Variants in PPP2R5E observed in about 807,000 individuals in gnomAD.
PPP2R5E encodes protein phosphatase 2 regulatory subunit B'epsilon.
In PPP2R5E, 4 loss-of-function variants were observed where a neutral mutation model predicts 65.3. That is an observed-to-expected ratio of 0.06 (90% CI 0.03 to 0.14). The LOEUF (loss-of-function observed/expected upper bound fraction) is 0.14, where lower values mean the gene tolerates loss of function less well. PPP2R5E is among the 10% of genes least tolerant of loss of function. PPP2R5E has a pLI of 1.00. For synonymous variants in PPP2R5E, 183 were observed against 187.4 expected (o/e 0.98, Z 0.19); for missense variants, 274 against 556.1 (o/e 0.49, Z 5.10).
chr14:63,376,071 T>C lies in PPP2R5E; in HGVS notation c.1342A>G (p.Lys448Glu). 2 of 1,609,798 alleles carry C rather than the reference T, an allele frequency of 1.2e-6. No individual in the cohort carries two copies. Among genetic ancestry groups the C allele is most frequent in the Non-Finnish European group, 1.7e-6 (2 of 1,176,248 alleles). ...TTTAACTCCAGATCCTCCAATTTTT[T>C]CCACAATTCTTCACGCTCCTTTTCT... ...KKEKEREELW[K>E]KLEDLELKRG... Residue 448 changes from lysine (K) to glutamate (E), a missense_variant, in exon 14 of 14, where the codon AAA becomes GAA. Transcript: ENST00000337537.
intron 3 of PPP2R5E, among the ~76,000 whole-genome samples, chr14:63,424,523 G>A (rs145170358): frequency 0.012 from 1,809 of 152,230 alleles, 52 homozygotes; most frequent in East Asian, 0.095. Context: ...AGGCCGAGGC[G>A]GGCGGATCAC....
At chr14:63,533,742 C>T (rs1430681857) in intron 2 of PPP2R5E, among the ~76,000 whole-genome samples, 1 of 152,032 alleles carries the variant, frequency 6.6e-6, no homozygotes, top group African/African-American at 2.4e-5. Context: ...GTCAGGAGTT[C>T]GAGACCAGCC....
At chr14:63,382,680 C>G (rs1336914143) in intron 12 of PPP2R5E, among the ~76,000 whole-genome samples, 1 of 151,860 alleles carries the variant, frequency 6.6e-6, no homozygotes, top group Non-Finnish European at 1.5e-5. Flanking sequence ...GGATTATAGG[C>G]GTGAGCCACC....
At chr14:63,460,905 C>A (rs190626165) in intron 2 of PPP2R5E, among the ~76,000 whole-genome samples, 1 of 152,126 alleles carries the variant, frequency 6.6e-6, no homozygotes, top group Non-Finnish European at 1.5e-5. Context: ...CACATGCACA[C>A]TGATAAATGA....
chr14:63,372,903 C>T lies in PPP2R5E; in HGVS notation c.*3106G>A, dbSNP rs1317566246. ...CCTGCTTGTGAGTATCCAGTGGCATCGAGGGTATTATTTATTTCTTTTTTT... is the reference window on the plus strand; with the variant it reads ...CCTGCTTGTGAGTATCCAGTGGCATTGAGGGTATTATTTATTTCTTTTTTT... On this transcript the variant is annotated 3_prime_UTR_variant, in exon 14 of 14. Coordinates refer to ENST00000337537, the MANE Select transcript of PPP2R5E (RefSeq NM_006246.5). 1 of 151,878 alleles carries T rather than the reference C, an allele frequency of 6.6e-6. No individual in the cohort carries two copies. The highest frequency in any genetic ancestry group is 1.5e-5 in the Non-Finnish European group (1 of 67,982). The allele number at this position is 151,878 out of a possible 1,614,324, so 9.4% of individuals were successfully genotyped here.
At chr14:63,467,222 C>CAAAAAA (rs767892639) in intron 2 of PPP2R5E, among the ~76,000 whole-genome samples, 1,844 of 113,528 alleles carry the variant, frequency 0.016, 221 homozygotes, top group East Asian at 0.024. Context: ...GACTCCGTCT[C>CAAAAAA]AAAAAAAACA....
chr14:63,528,070 C>CAA (rs138450783), intron 2 of PPP2R5E, among the ~76,000 whole-genome samples: 2 of 145,244 alleles, frequency 1.4e-5, no homozygotes, highest in Admixed American at 6.8e-5. Context: ...TATAAGTTTT[C>CAA]AAAAAAAAAA....
intron 3 of PPP2R5E, among the ~76,000 whole-genome samples, chr14:63,429,846 C>T (rs1594865038): frequency 6.6e-6 from 1 of 152,160 alleles, no homozygotes; most frequent in East Asian, 1.9e-4. Flanking sequence ...CCACGTCCAG[C>T]TAATTTTTTG....
At chr14:63,503,854 C>A (rs1892028521) in intron 2 of PPP2R5E, among the ~76,000 whole-genome samples, 1 of 152,132 alleles carries the variant, frequency 6.6e-6, no homozygotes, top group African/African-American at 2.4e-5. Context: ...AATCAGTATG[C>A]CTCCCTGCCC....
intron 3 of PPP2R5E, among the ~76,000 whole-genome samples, chr14:63,449,743 A>T (rs1888703380): frequency 8.1e-6 from 1 of 123,062 alleles, no homozygotes; most frequent in Non-Finnish European, 1.6e-5. Context: ...ACCTCTTAGC[A>T]CCACACAAAA....
In PPP2R5E at chr14:63,393,533, A is replaced by G. The variant is rs375776253; in HGVS notation, c.849+287T>C. 2.1e-4 allele frequency among the ~76,000 whole-genome samples: 32 copies of G among 152,130 alleles called. No homozygotes were observed. In the East Asian group the frequency reaches 2.3e-3, roughly 11 times the overall value. ...CCCAGACCATCTTGGCCAACATGGT[A>G]AAACCCCGTCTCTACTAAAAATACA... On this transcript the variant is annotated intron_variant, in intron 8 of 13. Transcript: ENST00000337537.
At chr14:63,530,287 C>CAAT (rs1320839499) in intron 2 of PPP2R5E, among the ~76,000 whole-genome samples, 2 of 132,196 alleles carry the variant, frequency 1.5e-5, no homozygotes, top group Non-Finnish European at 3.0e-5. Context: ...GGCTCAAGTG[C>CAAT]AATGGTGTGA....
At chr14:63,519,797 G>C (rs968580551) in intron 2 of PPP2R5E, among the ~76,000 whole-genome samples, 1 of 151,798 alleles carries the variant, frequency 6.6e-6, no homozygotes, top group African/African-American at 2.4e-5. Context: ...GAGTAGCTGG[G>C]ATTACAGGCA....
chr14:63,458,319 C>T (rs11847226), intron 2 of PPP2R5E, among the ~76,000 whole-genome samples: 5,953 of 152,288 alleles, frequency 0.039, 371 homozygotes, highest in African/African-American at 0.13. Flanking sequence ...TAGTCCACTT[C>T]CATCATTCCA....
At chr14:63,470,828 C>CAA (rs35728680) in intron 2 of PPP2R5E, among the ~76,000 whole-genome samples, 28 of 71,896 alleles carry the variant, frequency 3.9e-4, no homozygotes, top group African/African-American at 7.6e-4. Flanking sequence ...TCCGTCTCTA[C>CAA]AAAAAAAAAA....
chr14:63,529,578 C>T (rs906374173), intron 2 of PPP2R5E, among the ~76,000 whole-genome samples: 1 of 150,124 alleles, frequency 6.7e-6, no homozygotes, highest in African/African-American at 2.5e-5. Flanking sequence ...GGGTTTTCAC[C>T]GTGTTAGCCA....
At chr14:63,493,537 C>T (rs1370947284) in intron 2 of PPP2R5E, among the ~76,000 whole-genome samples, 4 of 151,954 alleles carry the variant, frequency 2.6e-5, no homozygotes, top group Admixed American at 2.6e-4. Flanking sequence ...AAAAGAACCC[C>T]TAGGTGAGAA....
chr14:63,516,699 T>A (rs1360773522), intron 2 of PPP2R5E, among the ~76,000 whole-genome samples: 1 of 152,158 alleles, frequency 6.6e-6, no homozygotes, highest in Admixed American at 6.5e-5. Context: ...ACACATCCAA[T>A]TCCCCAATCT....
intron 2 of PPP2R5E, among the ~76,000 whole-genome samples, chr14:63,479,694 G>A (rs1480194522): frequency 1.3e-5 from 2 of 152,120 alleles, no homozygotes; most frequent in Admixed American, 6.6e-5. Flanking sequence ...AACTGAAAAG[G>A]ATGATCTCTG....
Sources: allele counts gnomAD v4.1 joint callset (sites outside exome capture counted in the v4.1 genomes callset), GRCh38; gene constraint gnomAD v4.1.1; transcripts MANE v1.5; gene names NCBI Gene and HGNC (gene_info 2026-07-23, HGNC 2026-07-21).